Variants in UCHL1 observed in about 807,000 individuals in gnomAD.
The protein encoded by UCHL1 is ubiquitin carboxyl-terminal hydrolase isozyme L1.
Under a neutral mutation model 33.3 loss-of-function variants are expected in UCHL1, and 5 were observed. The ratio of observed to expected loss-of-function variants is 0.15; its 90% CI spans 0.08 to 0.32. The LOEUF (loss-of-function observed/expected upper bound fraction) is 0.32, where lower values mean the gene tolerates loss of function less well. Ranked by LOEUF, UCHL1 falls within the 10% of genes least tolerant of loss-of-function variation. The pLI is 1.00. For synonymous variants in UCHL1, 132 were observed against 108.8 expected (o/e 1.21, Z -1.33); for missense variants, 236 against 280.0 (o/e 0.84, Z 1.12).
chr4:41,265,726 C>T (rs1259370458), intron 8 of UCHL1, among the ~76,000 whole-genome samples: 1 of 152,128 alleles, frequency 6.6e-6, no homozygotes, highest in Non-Finnish European at 1.5e-5. Context: ...CACATTATGC[C>T]ACTCTTAATA....
intron 3 of UCHL1, among the ~76,000 whole-genome samples, chr4:41,259,806 AG>A (rs1397066645): frequency 3.9e-5 from 6 of 152,224 alleles, no homozygotes; most frequent in African/African-American, 1.4e-4. Context: ...CTGGGATTAT[AG>A]GTGCAAGCCA....
chr4:41,267,029 G>A (rs1781165090), intron 8 of UCHL1, among the ~76,000 whole-genome samples: 1 of 152,004 alleles, frequency 6.6e-6, no homozygotes, highest in Admixed American at 6.5e-5. Context: ...TTTCCACTGG[G>A]CTTTTTTACA....
chr4:41,257,760 C>T (rs1011674126), intron 3 of UCHL1, 23 bp downstream of exon 3: 2 of 1,551,246 alleles, frequency 1.3e-6, no homozygotes, highest in African/African-American at 1.4e-5. Context: ...GCCCAGGATG[C>T]GCCGGCCGCC....
At position 41,261,640 on chromosome 4, in the gene UCHL1, A is replaced by C. The variant is rs938125272; in HGVS notation, c.326-75A>C. On this transcript the variant is annotated intron_variant, in intron 4 of 8. Coordinates refer to ENST00000284440, the MANE Select transcript of UCHL1 (RefSeq NM_004181.5). ...TCAGGTTGCTCAGCATGTTCAGCAA[A>C]GGCTTAAGTCAACAATAAATATGTA... The C allele has an allele frequency of 1.1e-5, 17 of 1,513,606 alleles. No individual in the cohort carries two copies. The South Asian group carries it at 1.9e-4, about 17-fold the overall frequency. 93.8% of individuals were successfully genotyped at this position (1,513,606 alleles called of 1,614,324 possible).
At position 41,268,265 on chromosome 4, in the gene UCHL1, TGTG is replaced by T. The variant is rs1781186121; in HGVS notation, c.*196_*198del. The T allele has an allele frequency of 1.3e-5, 8 of 630,372 alleles. No individual in the cohort carries two copies. The highest frequency in any genetic ancestry group is 5.5e-5 in the East Asian group (2 of 36,518). The allele number at this position is 630,372 out of a possible 1,614,324, so 39.0% of individuals were successfully genotyped here. ...AGTGCACAGCTGTCCACTGGGCCAT[TGTG>T]GTGTGAGCTTCAGATGGTGAAGCAT... On this transcript the variant is annotated 3_prime_UTR_variant, in exon 9 of 9. Coordinates refer to ENST00000284440, the MANE Select transcript of UCHL1 (RefSeq NM_004181.5).
At chr4:41,266,042 C>T (rs1416862874) in intron 8 of UCHL1, among the ~76,000 whole-genome samples, 1 of 152,052 alleles carries the variant, frequency 6.6e-6, no homozygotes, top group Non-Finnish European at 1.5e-5. Context: ...ACATAGGATA[C>T]AAGTGTCACA....
chr4:41,257,755 G>A lies in UCHL1; in HGVS notation c.174+18G>A. ...CGGCCCAGGTAGGGCGTGGGGCCCA[G>A]GATGCGCCGGCCGCCGGCAGTGCAC... On this transcript the variant is annotated intron_variant, in intron 3 of 8. Coordinates refer to ENST00000284440, the MANE Select transcript of UCHL1 (RefSeq NM_004181.5). 1 of 1,561,066 alleles carries A rather than the reference G, an allele frequency of 6.4e-7. No individual in the cohort carries two copies. The highest frequency in any genetic ancestry group is 8.6e-7 in the Non-Finnish European group (1 of 1,159,108).
chr4:41,257,190 C>T (rs1780989595), intron 2 of UCHL1, 64 bp downstream of exon 2: 1 of 1,609,940 alleles, frequency 6.2e-7, no homozygotes, highest in Non-Finnish European at 8.5e-7. Context: ...GGGGCGCCCA[C>T]CGGTTCCGGC....
Position 41,256,940 on chromosome 4 carries a change from T to C in UCHL1, c.-37T>C, listed in dbSNP as rs1173596204. 7 of 1,613,926 alleles carry C rather than the reference T, an allele frequency of 4.3e-6. No homozygotes were observed. In the Admixed American group the frequency reaches 5.0e-5, roughly 12 times the overall value. ...GGGCGGCTCCGCTAGCTGTTTTTCG[T>C]CTTCCCTAGGCTATTTCTGCCGGGC... On this transcript the variant is annotated 5_prime_UTR_variant, in exon 1 of 9. Transcript: ENST00000284440.
At position 41,261,861 on chromosome 4, in the gene UCHL1, T is replaced by C. The variant is rs766816754; in HGVS notation, c.412-15T>C. 3 of 1,614,134 alleles carry C rather than the reference T, an allele frequency of 1.9e-6. No homozygotes were observed. Among genetic ancestry groups the C allele is most frequent in the South Asian group, 2.2e-5 (2 of 91,082 alleles). On this transcript the variant is annotated splice_polypyrimidine_tract_variant and intron_variant, in intron 5 of 8. Coordinates refer to ENST00000284440, the MANE Select transcript of UCHL1 (RefSeq NM_004181.5). Reference sequence around the variant, plus strand: ...TCTAGAGATTTTTGTGCTAATTATTTTCTTTTTTCCGCAGGCCATACAGGC... The same window carrying C: ...TCTAGAGATTTTTGTGCTAATTATTCTCTTTTTTCCGCAGGCCATACAGGC...
In UCHL1 at chr4:41,257,855, C is replaced by T. The variant is rs1198857402; in HGVS notation, c.174+118C>T. The T allele has an allele frequency of 3.5e-6, 5 of 1,420,476 alleles. No individual in the cohort carries two copies. In the East Asian group the frequency reaches 7.9e-5, roughly 22 times the overall value. 88.0% of individuals were successfully genotyped at this position (1,420,476 alleles called of 1,614,324 possible). ...CTGTAGGTGATGCGGGGCGCGCCTA[C>T]AAGGAAGGGAGGAGCCTGCATTTTC... is the stretch of plus-strand genomic sequence containing the variant. On this transcript the variant is annotated intron_variant, in intron 3 of 8. Coordinates refer to ENST00000284440, the MANE Select transcript of UCHL1 (RefSeq NM_004181.5).
In UCHL1 at chr4:41,261,873, C is replaced by G. The variant is rs1339026194; in HGVS notation, c.412-3C>G. ...TGTGCTAATTATTTTCTTTTTTCCG[C>G]AGGCCATACAGGCAGCCCATGATGC... is the stretch of plus-strand genomic sequence containing the variant. On this transcript the variant is annotated splice_region_variant and splice_polypyrimidine_tract_variant and intron_variant, in intron 5 of 8. Coordinates refer to ENST00000284440, the MANE Select transcript of UCHL1 (RefSeq NM_004181.5). The G allele has an allele frequency of 6.2e-7, 1 of 1,613,956 alleles. No homozygotes were observed. Among genetic ancestry groups the G allele is most frequent in the African/African-American group, 1.3e-5 (1 of 74,902 alleles).
At chr4:41,264,257 A>G (rs1421170251) in intron 8 of UCHL1, 96 bp downstream of exon 8, 46 of 1,500,032 alleles carry the variant, frequency 3.1e-5, no homozygotes, top group Non-Finnish European at 4.2e-5. Flanking sequence ...TATAGCCAGC[A>G]TCAGTTGCCT....
chr4:41,260,623 T>C, intron 3 of UCHL1, 24 bp from the exon 4 acceptor site: 1 of 1,613,932 alleles, frequency 6.2e-7, no homozygotes. Context: ...TTCTGAGATG[T>C]AAAAACGCTT....
In UCHL1 at chr4:41,265,605, G is replaced by A. The variant is rs148330130; in HGVS notation, c.585+1444G>A. Reference sequence around the variant, plus strand: ...GAAGAAAAAAAAGAAAAGTTAGTCCGCATCTAGAGTCTGTGTTCTTAGCCA... The same window carrying A: ...GAAGAAAAAAAAGAAAAGTTAGTCCACATCTAGAGTCTGTGTTCTTAGCCA... On this transcript the variant is annotated intron_variant, in intron 8 of 8. Coordinates refer to ENST00000284440, the MANE Select transcript of UCHL1 (RefSeq NM_004181.5). 4.2e-4 allele frequency among the ~76,000 whole-genome samples: 64 copies of A among 152,148 alleles called. No homozygotes were observed. The East Asian group carries it at 9.1e-3, about 22-fold the overall frequency.
At chr4:41,262,741 G>A (rs747902813) in intron 6 of UCHL1, among the ~76,000 whole-genome samples, 28 of 151,876 alleles carry the variant, frequency 1.8e-4, no homozygotes, top group Non-Finnish European at 3.1e-4. Context: ...CGAGTAGCTG[G>A]GATTACAAGT....
intron 8 of UCHL1, among the ~76,000 whole-genome samples, chr4:41,265,148 G>A (rs1404072668): frequency 6.6e-6 from 1 of 152,200 alleles, no homozygotes; most frequent in African/African-American, 2.4e-5. Flanking sequence ...CTTAGGTGCT[G>A]TTCTAGGTGA....
chr4:41,259,427 T>C (rs1291480480), intron 3 of UCHL1, among the ~76,000 whole-genome samples: 2 of 152,192 alleles, frequency 1.3e-5, no homozygotes, highest in Non-Finnish European at 2.9e-5. Context: ...CTAATTAGCC[T>C]AGAAAATGAA....
chr4:41,259,186 C>A (rs1341193709), intron 3 of UCHL1, among the ~76,000 whole-genome samples: 1 of 152,212 alleles, frequency 6.6e-6, no homozygotes, highest in African/African-American at 2.4e-5. Context: ...AGAATGCCTA[C>A]TGGACAAAAC....
Sources: gnomAD v4.1 joint callset for allele counts (sites outside exome capture counted in the v4.1 genomes callset) on GRCh38, gnomAD v4.1.1 for gene constraint, MANE v1.5 for transcripts, NCBI Gene and HGNC (gene_info 2026-07-23, HGNC 2026-07-21) for gene names.